Variants in MYO5A observed in about 807,000 individuals in gnomAD.
The protein encoded by MYO5A is myosin VA.
A neutral mutation model predicts 249.7 loss-of-function variants in MYO5A; 98 were observed. That is an observed-to-expected ratio of 0.39 (90% CI 0.33 to 0.46). The LOEUF is 0.46. MYO5A is among the 20% of genes least tolerant of loss of function. MYO5A has a pLI of 0.98. For synonymous variants in MYO5A, 778 were observed against 810.6 expected (o/e 0.96, Z 0.68); for missense variants, 1,696 against 2,308.8 (o/e 0.73, Z 5.44).
chr15:52,481,114 C>T (rs2076705927), intron 1 of MYO5A, among the ~76,000 whole-genome samples: 1 of 152,176 alleles, frequency 6.6e-6, no homozygotes, highest in African/African-American at 2.4e-5. Flanking sequence ...TTAGAACTAG[C>T]ATTATTAGGT....
At chr15:52,364,798 T>C in intron 23 of MYO5A, 96 bp from the exon 24 acceptor site, 1 of 1,443,890 alleles carries the variant, frequency 6.9e-7, no homozygotes, top group Non-Finnish European at 9.6e-7. Context: ...CTGTAGGCAA[T>C]TTTACTTTTA....
chr15:52,328,045 A>C, intron 35 of MYO5A, 39 bp from the exon 36 acceptor site: 2 of 1,538,888 alleles, frequency 1.3e-6, no homozygotes, highest in Non-Finnish European at 1.8e-6. Context: ...TAACATGGAA[A>C]ATTTTCACGA....
chr15:52,322,075 C>G (rs1259956861), intron 37 of MYO5A, among the ~76,000 whole-genome samples: 2 of 152,220 alleles, frequency 1.3e-5, no homozygotes, highest in Non-Finnish European at 2.9e-5. Flanking sequence ...TAAAATGGAA[C>G]TGAATGGGCG....
chr15:52,478,218 G>A (rs1027051707), intron 1 of MYO5A, among the ~76,000 whole-genome samples: 6 of 152,196 alleles, frequency 3.9e-5, no homozygotes, highest in Admixed American at 1.3e-4. Flanking sequence ...AGCCAGGCGC[G>A]GGATATAATC....
intron 25 of MYO5A, among the ~76,000 whole-genome samples, chr15:52,358,580 T>TAAG (rs1297214250): frequency 6.6e-6 from 1 of 152,156 alleles, no homozygotes; most frequent in Admixed American, 6.5e-5. Flanking sequence ...GTTCTGGGCC[T>TAAG]AGCTCTAAGA....
chr15:52,390,660 A>T (rs997978138), intron 12 of MYO5A, among the ~76,000 whole-genome samples: 10 of 151,466 alleles, frequency 6.6e-5, no homozygotes, highest in Admixed American at 2.6e-4. Flanking sequence ...CCCAGGCTCA[A>T]GTGATTATCC....
At position 52,312,870 on chromosome 15, in the gene MYO5A, C is replaced by A. The variant is rs2037827314; in HGVS notation, c.*826G>T. ...CAATAGCCACTTTGTCTAATCCTAC[C>A]CCTAAATGTCAAGCATTTTGTCATA... On this transcript the variant is annotated 3_prime_UTR_variant, in exon 42 of 42. Coordinates refer to ENST00000399233, the MANE Select transcript of MYO5A (RefSeq NM_001382347.1). The A allele has an allele frequency of 6.6e-6, 1 of 152,250 alleles. No individual in the cohort carries two copies. Among genetic ancestry groups the A allele is most frequent in the Non-Finnish European group, 1.5e-5 (1 of 68,026 alleles). The allele number at this position is 152,250 out of a possible 1,614,324, so 9.4% of individuals were successfully genotyped here.
At chr15:52,457,035 G>T (rs944458052) in intron 1 of MYO5A, among the ~76,000 whole-genome samples, 10 of 152,148 alleles carry the variant, frequency 6.6e-5, no homozygotes, top group African/African-American at 2.4e-4. Flanking sequence ...CACAGAACTG[G>T]AGAAAATATT....
At chr15:52,444,399 G>C (rs2075846563) in intron 1 of MYO5A, among the ~76,000 whole-genome samples, 1 of 152,158 alleles carries the variant, frequency 6.6e-6, no homozygotes, top group Non-Finnish European at 1.5e-5. Context: ...ACAGGACTTT[G>C]ATCAGGATAA....
intron 2 of MYO5A, among the ~76,000 whole-genome samples, chr15:52,432,587 A>T (rs1466597703): frequency 2.0e-5 from 3 of 152,258 alleles, no homozygotes; most frequent in Admixed American, 2.0e-4. Context: ...TATTTGGAAA[A>T]TAGTGATTAT....
At chr15:52,424,770 T>TA (rs1379594008) in intron 4 of MYO5A, among the ~76,000 whole-genome samples, 2 of 152,230 alleles carry the variant, frequency 1.3e-5, no homozygotes, top group Non-Finnish European at 2.9e-5. Flanking sequence ...GAATTAAACT[T>TA]AAACTATTCT....
At chr15:52,367,946 G>A (rs908118172) in intron 22 of MYO5A, among the ~76,000 whole-genome samples, 2 of 149,878 alleles carry the variant, frequency 1.3e-5, no homozygotes, top group East Asian at 3.9e-4. Flanking sequence ...GTTCTTTGCT[G>A]GATAAGGATT....
chr15:52,487,331 G>T (rs2076842648), intron 1 of MYO5A, among the ~76,000 whole-genome samples: 1 of 151,658 alleles, frequency 6.6e-6, no homozygotes, highest in Non-Finnish European at 1.5e-5. Context: ...TGGGAGGATT[G>T]CTTGAGGACA....
chr15:52,408,642 CTG>C (rs1402390393), intron 6 of MYO5A, among the ~76,000 whole-genome samples: 1 of 152,114 alleles, frequency 6.6e-6, no homozygotes, highest in African/African-American at 2.4e-5. Flanking sequence ...AAATCAATAA[CTG>C]TTTTATAAAA....
At chr15:52,419,094 T>C (rs1226094861) in intron 4 of MYO5A, among the ~76,000 whole-genome samples, 1 of 152,228 alleles carries the variant, frequency 6.6e-6, no homozygotes, top group Non-Finnish European at 1.5e-5. Flanking sequence ...TATAACACGA[T>C]TTAATATCCC....
intron 1 of MYO5A, among the ~76,000 whole-genome samples, chr15:52,459,491 G>GT (rs1046070658): frequency 3.3e-5 from 5 of 152,142 alleles, no homozygotes; most frequent in Non-Finnish European, 5.9e-5. Flanking sequence ...TGGCGGTAAG[G>GT]TTATAGATTA....
chr15:52,361,836 C>T (rs1365217155), intron 24 of MYO5A, among the ~76,000 whole-genome samples: 2 of 152,208 alleles, frequency 1.3e-5, no homozygotes, highest in Non-Finnish European at 2.9e-5. Flanking sequence ...CGTTCTCCTT[C>T]AAGATCTGCA....
At chr15:52,394,362 T>C (rs561409591) in intron 11 of MYO5A, among the ~76,000 whole-genome samples, 7 of 152,236 alleles carry the variant, frequency 4.6e-5, no homozygotes, top group Non-Finnish European at 8.8e-5. Flanking sequence ...AGGCAATTAG[T>C]AGTGGGAGTT....
intron 18 of MYO5A, among the ~76,000 whole-genome samples, chr15:52,378,515 CAA>C (rs55803737): frequency 1.0e-3 from 11 of 10,488 alleles, no homozygotes; most frequent in South Asian, 0.017. Flanking sequence ...AAGACTGTCT[CAA>C]AAAAAAAAAA....
Sources: gnomAD v4.1 joint callset for allele counts (sites outside exome capture counted in the v4.1 genomes callset) on GRCh38, gnomAD v4.1.1 for gene constraint, MANE v1.5 for transcripts, NCBI Gene and HGNC (gene_info 2026-07-23, HGNC 2026-07-21) for gene names.